Variants in ZNF407 observed in about 807,000 individuals in gnomAD.
ZNF407 encodes the protein zinc finger protein 407.
A neutral mutation model predicts 131.2 loss-of-function variants in ZNF407; 17 were observed. The ratio of observed to expected loss-of-function variants is 0.13; its 90% CI spans 0.09 to 0.19. The LOEUF (loss-of-function observed/expected upper bound fraction) is 0.19. ZNF407 is among the 10% of genes least tolerant of loss of function. The pLI is 1.00. For missense variants in ZNF407, 2,681 were observed against 2,830.6 expected (o/e 0.95, Z 1.20); for synonymous variants, 1,156 against 1,062.0 (o/e 1.09, Z -1.72).
chr18:74,781,609 G>A, intron 4 of ZNF407, 107 bp downstream of exon 4: 2 of 742,652 alleles, frequency 2.7e-6, no homozygotes, highest in Non-Finnish European at 4.1e-6. Context: ...AGTTAATCAT[G>A]TTTCTATTTG....
chr18:74,694,095 G>A (rs1967294799), intron 3 of ZNF407, among the ~76,000 whole-genome samples: 1 of 152,142 alleles, frequency 6.6e-6, no homozygotes, highest in Non-Finnish European at 1.5e-5. Flanking sequence ...GACTGGAGGT[G>A]GATATTGTGA....
chr18:74,765,187 T>C (rs904163697), intron 3 of ZNF407, among the ~76,000 whole-genome samples: 39 of 152,312 alleles, frequency 2.6e-4, no homozygotes, highest in African/African-American at 7.5e-4. Context: ...TGTACTTATC[T>C]TTTGATTATG....
At chr18:74,914,656 T>C (rs373801499) in intron 7 of ZNF407, among the ~76,000 whole-genome samples, 1 of 152,364 alleles carries the variant, frequency 6.6e-6, no homozygotes, top group South Asian at 2.1e-4. Flanking sequence ...TTGAGGTACT[T>C]TCCTGAGATC....
At chr18:74,916,677 T>G in intron 7 of ZNF407, among the ~76,000 whole-genome samples, 3 of 129,708 alleles carry the variant, frequency 2.3e-5, no homozygotes, top group African/African-American at 9.2e-5. Context: ...TATGGTGAGG[T>G]TGTATGCAGC....
intron 3 of ZNF407, among the ~76,000 whole-genome samples, chr18:74,700,409 G>A (rs1967463778): frequency 6.6e-6 from 1 of 152,194 alleles, no homozygotes; most frequent in Non-Finnish European, 1.5e-5. Flanking sequence ...GAAAGCTGCT[G>A]AACATGTGCT....
At chr18:74,805,284 T>A (rs1970092419) in intron 4 of ZNF407, among the ~76,000 whole-genome samples, 1 of 152,262 alleles carries the variant, frequency 6.6e-6, no homozygotes, top group East Asian at 1.9e-4. Context: ...ATTGCATTTT[T>A]AAGATTTGAT....
chr18:75,055,967 A>C (rs1318816085), intron 8 of ZNF407, among the ~76,000 whole-genome samples: 1 of 152,214 alleles, frequency 6.6e-6, no homozygotes. Context: ...TTTTACAGAA[A>C]AGCAATTTCC....
chr18:74,770,431 C>T lies in ZNF407; in HGVS notation c.4803-10997C>T, dbSNP rs561654295. On this transcript the variant is annotated intron_variant, in intron 3 of 8. Transcript: ENST00000299687. The stretch of plus-strand genomic sequence containing the variant: ...ACCAACCTTTCTCTCAAGAAAACCT[C>T]AAAAAACAAACAAAAGCTACAGAAC... Among the ~76,000 whole-genome samples the T allele has an allele frequency of 6.6e-5, 10 of 151,942 alleles. No homozygotes were observed. In the East Asian group the frequency reaches 1.4e-3, roughly 21 times the overall value.
chr18:74,760,398 T>C (rs908677419), intron 3 of ZNF407, among the ~76,000 whole-genome samples: 5 of 152,200 alleles, frequency 3.3e-5, no homozygotes, highest in African/African-American at 7.2e-5. Flanking sequence ...CCTGTGCATG[T>C]GTGTTTGCTT....
intron 4 of ZNF407, among the ~76,000 whole-genome samples, chr18:74,799,403 T>C (rs1328469393): frequency 6.6e-6 from 1 of 152,128 alleles, no homozygotes; most frequent in Non-Finnish European, 1.5e-5. Context: ...ATTCCTGCCC[T>C]TGACATTCAT....
At chr18:74,630,896 T>G in intron 1 of ZNF407, 71 bp from the exon 2 acceptor site, 2 of 1,199,034 alleles carry the variant, frequency 1.7e-6, no homozygotes, top group Non-Finnish European at 2.2e-6. Flanking sequence ...ATGATACTTT[T>G]TCATCTAGTT....
chr18:75,041,594 A>G (rs1167153003), intron 8 of ZNF407, among the ~76,000 whole-genome samples: 1 of 150,206 alleles, frequency 6.7e-6, no homozygotes, highest in Non-Finnish European at 1.5e-5. Flanking sequence ...TTCGGCTGAT[A>G]CTGTAGCGCA....
At chr18:74,896,439 C>T (rs1259068158) in intron 7 of ZNF407, among the ~76,000 whole-genome samples, 1 of 152,164 alleles carries the variant, frequency 6.6e-6, no homozygotes, top group Non-Finnish European at 1.5e-5. Context: ...ACTTTCCAAA[C>T]TTTTCTTAGG....
chr18:74,972,574 C>T (rs966104854), intron 8 of ZNF407, among the ~76,000 whole-genome samples: 1 of 152,192 alleles, frequency 6.6e-6, no homozygotes, highest in Non-Finnish European at 1.5e-5. Flanking sequence ...GTTGCCACTG[C>T]CTGAGCTCAC....
intron 3 of ZNF407, among the ~76,000 whole-genome samples, chr18:74,776,706 T>A (rs1969479495): frequency 6.6e-6 from 1 of 152,084 alleles, no homozygotes; most frequent in Non-Finnish European, 1.5e-5. Context: ...CAAGTATAAG[T>A]TTTGACTCCT....
At position 74,692,691 on chromosome 18, in the gene ZNF407, G is replaced by A. The variant is rs533445733; in HGVS notation, c.4802+51569G>A. ...TGGTCACAGGATGAATTCCTGCCCC[G>A]CCCCTGGGGTTAGAGGGTGTTTTCT... On this transcript the variant is annotated intron_variant, in intron 3 of 8. Coordinates refer to ENST00000299687, the MANE Select transcript of ZNF407 (RefSeq NM_017757.3). Among the ~76,000 whole-genome samples, 32 of 152,174 alleles carry A rather than the reference G, an allele frequency of 2.1e-4. No homozygotes were observed. The South Asian group carries it at 3.5e-3, about 17-fold the overall frequency.
At chr18:74,744,137 G>A (rs1968613610) in intron 3 of ZNF407, among the ~76,000 whole-genome samples, 1 of 152,120 alleles carries the variant, frequency 6.6e-6, no homozygotes, top group Non-Finnish European at 1.5e-5. Context: ...AATACATTGA[G>A]AATTTATTAA....
At chr18:74,975,238 A>G (rs1380174086) in intron 8 of ZNF407, among the ~76,000 whole-genome samples, 1 of 152,250 alleles carries the variant, frequency 6.6e-6, no homozygotes, top group Non-Finnish European at 1.5e-5. Flanking sequence ...GTCTGATTAT[A>G]GCTCAGCATT....
At chr18:74,993,589 A>G (rs1281471399) in intron 8 of ZNF407, among the ~76,000 whole-genome samples, 1 of 152,236 alleles carries the variant, frequency 6.6e-6, no homozygotes, top group East Asian at 1.9e-4. Flanking sequence ...TCATTGAGCT[A>G]TACACTTAGA....
Sources: gnomAD v4.1 joint callset for allele counts (sites outside exome capture counted in the v4.1 genomes callset) on GRCh38, gnomAD v4.1.1 for gene constraint, MANE v1.5 for transcripts, NCBI Gene and HGNC (gene_info 2026-07-23, HGNC 2026-07-21) for gene names.